Variants in TNIK observed in about 807,000 individuals in gnomAD.
The protein encoded by TNIK is TRAF2 and NCK interacting kinase.
In TNIK, 49 loss-of-function variants were observed where a neutral mutation model predicts 191.3. That is an observed-to-expected ratio of 0.26 (90% confidence interval 0.20 to 0.32). TNIK has a LOEUF of 0.32. Among genes scored for constraint, TNIK ranks in the 10% least tolerant of loss-of-function variants. The probability of loss-of-function intolerance (pLI) is 1.00; values close to 1 mark genes in which losing one functional copy is unlikely to be tolerated. For synonymous variants in TNIK, 594 were observed against 600.9 expected (o/e 0.99, Z 0.17); for missense variants, 1,155 against 1,702.3 (o/e 0.68, Z 5.66).
chr3:171,415,843 T>A (rs2108615465), intron 1 of TNIK, among the ~76,000 whole-genome samples: 1 of 150,992 alleles, frequency 6.6e-6, no homozygotes, highest in South Asian at 2.1e-4. Flanking sequence ...TAGCCAGGCG[T>A]GGTGGCTCAT....
chr3:171,217,325 C>T (rs534613274), intron 3 of TNIK, among the ~76,000 whole-genome samples: 9 of 152,232 alleles, frequency 5.9e-5, no homozygotes, highest in African/African-American at 2.2e-4. Flanking sequence ...CATGTTCTCA[C>T]TTATGAATGG....
chr3:171,219,446 A>T (rs1742010286), intron 3 of TNIK, among the ~76,000 whole-genome samples: 2 of 150,986 alleles, frequency 1.3e-5, no homozygotes, highest in Admixed American at 1.3e-4. Flanking sequence ...TGCCAGGTTC[A>T]ACCTTAGCAA....
intron 2 of TNIK, among the ~76,000 whole-genome samples, chr3:171,348,139 G>GA (rs560431746): frequency 6.6e-6 from 1 of 151,888 alleles, no homozygotes; most frequent in Admixed American, 6.6e-5. Context: ...AGTTTAAAAG[G>GA]AAAAAAAGAA....
intron 3 of TNIK, among the ~76,000 whole-genome samples, chr3:171,220,335 T>C (rs1348534536): frequency 2.6e-5 from 4 of 152,128 alleles, no homozygotes; most frequent in Admixed American, 1.3e-4. Flanking sequence ...GGCACGTGTA[T>C]ACCTATGTAG....
At chr3:171,222,234 T>C (rs1404978045) in intron 3 of TNIK, among the ~76,000 whole-genome samples, 1 of 151,968 alleles carries the variant, frequency 6.6e-6, no homozygotes, top group Non-Finnish European at 1.5e-5. Context: ...CTGTGGAGAG[T>C]GTGGGTATGC....
chr3:171,453,227 A>G (rs913523728), intron 1 of TNIK, among the ~76,000 whole-genome samples: 2 of 152,200 alleles, frequency 1.3e-5, no homozygotes, highest in Non-Finnish European at 2.9e-5. Context: ...CTAAAAAGGA[A>G]TTGTCTAGTA....
At chr3:171,075,551 C>T (rs1719783414) in intron 28 of TNIK, among the ~76,000 whole-genome samples, 1 of 152,156 alleles carries the variant, frequency 6.6e-6, no homozygotes, top group Non-Finnish European at 1.5e-5. Context: ...AAAAACATTC[C>T]CGCATGTGGT....
chr3:171,167,466 C>T (rs750438658), intron 9 of TNIK, among the ~76,000 whole-genome samples, 196 bp from the exon 10 acceptor site: 1 of 152,060 alleles, frequency 6.6e-6, no homozygotes, highest in African/African-American at 2.4e-5. Context: ...CATCAACGTG[C>T]AATTGAGGTA....
chr3:171,105,423 A>G (rs987061668), intron 21 of TNIK, among the ~76,000 whole-genome samples: 3 of 152,160 alleles, frequency 2.0e-5, no homozygotes, highest in African/African-American at 7.2e-5. Flanking sequence ...GATTTTGCCA[A>G]ATGTCTCCTA....
At chr3:171,165,391 G>A (rs1052370266) in intron 10 of TNIK, among the ~76,000 whole-genome samples, 11 of 137,770 alleles carry the variant, frequency 8.0e-5, no homozygotes, top group Non-Finnish European at 1.1e-4. Flanking sequence ...AGACCAGCCT[G>A]AGCAACAAAG....
At chr3:171,195,391 A>G (rs994980305) in intron 4 of TNIK, among the ~76,000 whole-genome samples, 2 of 152,242 alleles carry the variant, frequency 1.3e-5, no homozygotes, top group Non-Finnish European at 2.9e-5. Flanking sequence ...CTTCAAAAAT[A>G]TCTTCAACAA....
At chr3:171,249,490 T>G (rs1167722292) in intron 2 of TNIK, among the ~76,000 whole-genome samples, 1 of 152,094 alleles carries the variant, frequency 6.6e-6, no homozygotes, top group Non-Finnish European at 1.5e-5. Flanking sequence ...GGGGCAGTGG[T>G]GTGGAAATGG....
At chr3:171,321,628 C>T (rs1278002530) in intron 2 of TNIK, among the ~76,000 whole-genome samples, 1 of 152,158 alleles carries the variant, frequency 6.6e-6, no homozygotes, top group African/African-American at 2.4e-5. Flanking sequence ...CTGAAAAGTA[C>T]TTTCACCTCG....
At chr3:171,181,809 C>G (rs1010686758) in intron 7 of TNIK, among the ~76,000 whole-genome samples, 3 of 152,194 alleles carry the variant, frequency 2.0e-5, no homozygotes, top group Non-Finnish European at 4.4e-5. Context: ...CTGCCTACCT[C>G]TAGATTTCTG....
At position 171,346,031 on chromosome 3, in the gene TNIK, G is replaced by T. The variant is rs181771988; in HGVS notation, c.123+23589C>A. ...GGGAACAGGGAATGGAGAGGGTGGG[G>T]TGTTATTTTCTATAAGGTGGTCAGG... On this transcript the variant is annotated intron_variant, in intron 2 of 32. Coordinates refer to ENST00000436636, the MANE Select transcript of TNIK (RefSeq NM_015028.4). Among the ~76,000 whole-genome samples the T allele has an allele frequency of 6.2e-4, 95 of 152,148 alleles. 1 individual carries two copies. The highest frequency in any genetic ancestry group is 2.0e-3 in the African/African-American group (85 of 41,530).
intron 2 of TNIK, among the ~76,000 whole-genome samples, chr3:171,229,501 T>C (rs1418838665): frequency 6.6e-6 from 1 of 152,230 alleles, no homozygotes. Context: ...GCTAGTTTAG[T>C]TGGATCAAAT....
At chr3:171,235,059 T>A (rs1408627399) in intron 2 of TNIK, among the ~76,000 whole-genome samples, 1 of 152,228 alleles carries the variant, frequency 6.6e-6, no homozygotes. Context: ...TTATTTATTT[T>A]GAGACGGAGT....
At chr3:171,190,947 T>C (rs1737994233) in intron 5 of TNIK, among the ~76,000 whole-genome samples, 160 bp from the exon 6 acceptor site, 2 of 152,234 alleles carry the variant, frequency 1.3e-5, no homozygotes, top group African/African-American at 4.8e-5. Context: ...CTTCTAACTG[T>C]AGGCAATTCA....
intron 27 of TNIK, 136 bp downstream of exon 27, chr3:171,082,115 T>C: frequency 8.3e-7 from 1 of 1,206,438 alleles, no homozygotes; most frequent in African/African-American, 1.5e-5. Context: ...GTGGGCAATC[T>C]CACTCTGGCT....
Sources: gnomAD v4.1 joint callset for allele counts (sites outside exome capture counted in the v4.1 genomes callset) on GRCh38, gnomAD v4.1.1 for gene constraint, MANE v1.5 for transcripts, NCBI Gene and HGNC (gene_info 2026-07-23, HGNC 2026-07-21) for gene names.